The following YBX1 variants were observed in gnomAD, a reference collection of about 807,000 sequenced individuals.
The protein encoded by YBX1 is Y-box binding protein 1.
A neutral mutation model predicts 41.4 loss-of-function variants in YBX1; 3 were observed. The ratio of observed to expected loss-of-function variants is 0.07; its 90% confidence interval spans 0.03 to 0.19. The LOEUF (loss-of-function observed/expected upper bound fraction) is 0.19, where lower values mean the gene tolerates loss of function less well. YBX1 is among the 10% of genes least tolerant of loss of function. The pLI, the probability that YBX1 is intolerant of heterozygous loss-of-function variation, is 1.00. For missense variants in YBX1, 274 were observed against 462.8 expected, an observed-to-expected ratio of 0.59 and a Z score of 3.74; for synonymous variants, 133 against 165.8, an observed-to-expected ratio of 0.80 and a Z score of 1.52.
intron 2 of YBX1, among the ~76,000 whole-genome samples, chr1:42,683,767 C>T (rs1418281488): frequency 6.6e-6 from 1 of 152,176 alleles, no homozygotes; most frequent in African/African-American, 2.4e-5. Context: ...ACAGGGTAAA[C>T]GGGAAACTAC....
intron 5 of YBX1, 95 bp from the exon 6 acceptor site, chr1:42,697,085 C>A: frequency 1.3e-6 from 2 of 1,489,194 alleles, no homozygotes; most frequent in African/African-American, 1.4e-5. Context: ...ACTAGATGGT[C>A]TGTTTTGTTT....
rs957924954 is a variant in YBX1, at chr1:42,697,111, G to C, written c.658-69G>C. On this transcript the variant is annotated intron_variant, in intron 5 of 7. Coordinates refer to ENST00000321358, the MANE Select transcript of YBX1 (RefSeq NM_004559.5). ...TGTTTTGTTTGTTTTTTAACTCTTG[G>C]ATTTATCTGGTTGGGTTTTTTTATT... The C allele has an allele frequency of 4.6e-5, 72 of 1,550,792 alleles. No individual in the cohort carries two copies. The South Asian group carries it at 7.9e-4, about 17-fold the overall frequency.
intron 6 of YBX1, among the ~76,000 whole-genome samples, chr1:42,700,508 A>AAG: frequency 6.6e-6 from 1 of 151,818 alleles, no homozygotes; most frequent in East Asian, 1.9e-4. Context: ...CTGAGGTGGG[A>AAG]AGATCACTTG....
At chr1:42,700,171 G>A (rs1650559067) in intron 6 of YBX1, among the ~76,000 whole-genome samples, 1 of 151,834 alleles carries the variant, frequency 6.6e-6, no homozygotes, top group Admixed American at 6.6e-5. Flanking sequence ...ATGTACAAAG[G>A]TAAATGTGAA....
chr1:42,688,405 A>G (rs1302801783), intron 2 of YBX1, among the ~76,000 whole-genome samples: 2 of 151,974 alleles, frequency 1.3e-5, no homozygotes, highest in Non-Finnish European at 2.9e-5. Context: ...CAAATGCATT[A>G]GAAAGTTAAT....
chr1:42,701,031 C>T lies in YBX1; in HGVS notation c.*16C>T. 6.2e-7 allele frequency: 1 copy of T among 1,612,990 alleles called. No homozygotes were observed. On this transcript the variant is annotated 3_prime_UTR_variant, in exon 7 of 8. Transcript: ENST00000321358. ...GGCTGAGTAAATGCCGGCTTACCAT[C>T]TCTACCATCATCCGGGTAAGCAAGC...
chr1:42,683,248 C>T lies in YBX1; in HGVS notation c.167-155C>T, dbSNP rs777358318. The T allele has an allele frequency of 8.2e-6, 7 of 851,440 alleles. No homozygotes were observed. In the African/African-American group the frequency reaches 1.2e-4, roughly 14 times the overall value. The allele number at this position is 851,440 out of a possible 1,614,324, so 52.7% of individuals were successfully genotyped here. On this transcript the variant is annotated intron_variant, in intron 1 of 7. Transcript: ENST00000321358. The stretch of plus-strand genomic sequence containing the variant: ...GACTCACCCACGTGTGCGGCGGCGG[C>T]GGCGACTGCGTGGCCCCGCACCCGG...
chr1:42,695,489 T>TG (rs1478448879), intron 3 of YBX1, among the ~76,000 whole-genome samples: 4 of 152,192 alleles, frequency 2.6e-5, no homozygotes, highest in Non-Finnish European at 2.9e-5. Context: ...GAATAGATAG[T>TG]AAGTGAAAGA....
intron 3 of YBX1, among the ~76,000 whole-genome samples, chr1:42,695,558 A>G (rs1393159397): frequency 6.6e-6 from 1 of 152,238 alleles, no homozygotes; most frequent in East Asian, 1.9e-4. Context: ...TTCTCTTAAC[A>G]GTCTGGAGAA....
chr1:42,683,627 G>C (rs557632051), intron 2 of YBX1, among the ~76,000 whole-genome samples, 161 bp downstream of exon 2: 2 of 152,264 alleles, frequency 1.3e-5, no homozygotes, highest in South Asian at 4.1e-4. Flanking sequence ...TGTTTTCCTT[G>C]ATTAGGGATT....
At chr1:42,685,547 A>G (rs368000599) in intron 2 of YBX1, among the ~76,000 whole-genome samples, 5 of 152,220 alleles carry the variant, frequency 3.3e-5, no homozygotes, top group African/African-American at 7.2e-5. Flanking sequence ...AGTTGGTTCT[A>G]TATGTAGTTC....
chr1:42,684,512 C>G (rs886329293), intron 2 of YBX1, among the ~76,000 whole-genome samples: 2 of 152,202 alleles, frequency 1.3e-5, no homozygotes, highest in African/African-American at 4.8e-5. Context: ...CAAAATCAAG[C>G]TTAAGGACAG....
intron 2 of YBX1, among the ~76,000 whole-genome samples, chr1:42,688,448 CATAA>C (rs1422808305): frequency 3.3e-5 from 5 of 151,866 alleles, no homozygotes; most frequent in Admixed American, 6.6e-5. Flanking sequence ...TGTAAACAAA[CATAA>C]AGATTCAGGC....
chr1:42,686,141 TGG>T (rs1650190995), intron 2 of YBX1, among the ~76,000 whole-genome samples: 1 of 152,228 alleles, frequency 6.6e-6, no homozygotes. Context: ...TACCATGAAT[TGG>T]CAACAGTTTA....
chr1:42,683,294 T>G, intron 1 of YBX1, 109 bp from the exon 2 acceptor site: 1 of 1,308,346 alleles, frequency 7.6e-7, no homozygotes, highest in Non-Finnish European at 1.1e-6. Context: ...GAAAGGGCTG[T>G]CAGGTGGCCG....
At chr1:42,687,152 T>C (rs1650215125) in intron 2 of YBX1, among the ~76,000 whole-genome samples, 1 of 152,224 alleles carries the variant, frequency 6.6e-6, no homozygotes, top group Non-Finnish European at 1.5e-5. Flanking sequence ...GTAGGTCAGC[T>C]ATACAAATAA....
chr1:42,700,284 G>A (rs1650561551), intron 6 of YBX1, among the ~76,000 whole-genome samples: 1 of 152,056 alleles, frequency 6.6e-6, no homozygotes, highest in African/African-American at 2.4e-5. Flanking sequence ...TCTGAGCACT[G>A]GGGGAAAGAA....
In YBX1 at chr1:42,696,072, T is replaced by C. The variant is rs1321383028; in HGVS notation, c.265-127T>C. The C allele has an allele frequency of 1.4e-6, 1 of 713,290 alleles. No homozygotes were observed. Among genetic ancestry groups the C allele is most frequent in the African/African-American group, 1.8e-5 (1 of 54,826 alleles). The allele number at this position is 713,290 out of a possible 1,614,324, so 44.2% of individuals were successfully genotyped here. ...CCGCTTTCCTAAATTTATTGATGGT[T>C]TGGTCTTATTTAAAGCAAATCTTAA... On this transcript the variant is annotated intron_variant, in intron 3 of 7. Transcript: ENST00000321358. This position sits in a 1 kb window ranked among gnomAD's most constrained non-coding sequence, Gnocchi z 5.7.
rs1206535372 is a variant in YBX1 at position 42,696,615 on chromosome 1, A to G, written c.355-27A>G. The G allele has an allele frequency of 7.2e-7, 1 of 1,390,966 alleles. No homozygotes were observed. 86.2% of individuals were successfully genotyped at this position (1,390,966 alleles called of 1,614,324 possible). On this transcript the variant is annotated intron_variant, in intron 4 of 7. Transcript: ENST00000321358. This position sits in a 1 kb window ranked among gnomAD's most constrained non-coding sequence, Gnocchi z 5.7. The stretch of plus-strand genomic sequence containing the variant: ...TGAAAGTGTTCTGATTTCCTTTGTC[A>G]CTATCAATATGTAATGGCTTTTGTA...
Sources: allele counts gnomAD v4.1 joint callset (sites outside exome capture counted in the v4.1 genomes callset), GRCh38; gene constraint gnomAD v4.1.1; non-coding constraint Gnocchi (gnomAD v3.1); transcripts MANE v1.5; gene names NCBI Gene and HGNC (gene_info 2026-07-23, HGNC 2026-07-21).